Variants in RIPOR2 observed in about 807,000 individuals in gnomAD.
The protein encoded by RIPOR2 is rho family-interacting cell polarization regulator 2.
Under a neutral mutation model 114.5 loss-of-function variants are expected in RIPOR2, and 39 were observed. That is an observed-to-expected ratio of 0.34 (90% CI 0.26 to 0.44). RIPOR2 has a LOEUF of 0.44. Ranked by LOEUF, RIPOR2 falls within the 20% of genes least tolerant of loss-of-function variation. The pLI is 1.00. For missense variants in RIPOR2, 1,007 were observed against 1,255.1 expected, an observed-to-expected ratio of 0.80 and a Z score of 2.99; for synonymous variants, 445 against 484.4, an observed-to-expected ratio of 0.92 and a Z score of 1.07.
In RIPOR2 at chr6:24,975,554, A is replaced by G. The variant is rs182386539; in HGVS notation, c.76+66297T>C. On this transcript the variant is annotated intron_variant, in intron 1 of 13. Transcript: ENST00000510784. ...TATTGTTAGCCAGGCCCAGTGGTGCACACCTGTAGTCCCAGCTACTCGGGA... is the reference window on the plus strand; with the variant it reads ...TATTGTTAGCCAGGCCCAGTGGTGCGCACCTGTAGTCCCAGCTACTCGGGA... 3.0e-4 allele frequency among the ~76,000 whole-genome samples: 45 copies of G among 152,300 alleles called. 1 individual carries two copies. The East Asian group carries it at 8.7e-3, about 29-fold the overall frequency.
Position 24,985,689 on chromosome 6 carries a change from C to A in RIPOR2, c.76+56162G>T, listed in dbSNP as rs148824836. Among the ~76,000 whole-genome samples the A allele has an allele frequency of 2.3e-4, 35 of 152,244 alleles. No individual in the cohort carries two copies. In the East Asian group the frequency reaches 6.8e-3, roughly 29 times the overall value. On this transcript the variant is annotated intron_variant, in intron 1 of 13. Transcript: ENST00000510784. ...TAGGGAATTCTGGGACCCCCCTAGA[C>A]CCCTGGTTGATGTAAATCCTATAAC... is the stretch of plus-strand genomic sequence containing the variant.
At chr6:24,950,893 G>A (rs957422634) in intron 1 of RIPOR2, among the ~76,000 whole-genome samples, 6 of 152,194 alleles carry the variant, frequency 3.9e-5, no homozygotes, top group Admixed American at 1.3e-4. Flanking sequence ...ATAGAACACA[G>A]TCCAGGCATT....
intron 1 of RIPOR2, among the ~76,000 whole-genome samples, chr6:24,946,145 T>G (rs1367890009): frequency 6.6e-6 from 1 of 151,942 alleles, no homozygotes; most frequent in Non-Finnish European, 1.5e-5. Context: ...TGCAGTAGCA[T>G]GATCTCAGCT....
intron 1 of RIPOR2, among the ~76,000 whole-genome samples, chr6:25,035,188 C>T (rs1270516433): frequency 1.3e-5 from 2 of 152,162 alleles, no homozygotes; most frequent in Non-Finnish European, 2.9e-5. Context: ...CGCCTGTTGT[C>T]TGGGATGAGG....
chr6:24,921,602 T>G (rs762654743), intron 1 of RIPOR2, among the ~76,000 whole-genome samples: 30 of 152,106 alleles, frequency 2.0e-4, no homozygotes, highest in Non-Finnish European at 4.0e-4. Context: ...CTGACCACCA[T>G]GTCCTATTCT....
intron 1 of RIPOR2, among the ~76,000 whole-genome samples, chr6:24,958,757 G>A (rs771459687): frequency 5.9e-5 from 9 of 152,014 alleles, no homozygotes; most frequent in Non-Finnish European, 1.2e-4. Context: ...CACAAACTGG[G>A]TGGCTGAAAC....
intron 15 of RIPOR2, among the ~76,000 whole-genome samples, chr6:24,833,589 T>C (rs1337728162): frequency 6.6e-6 from 1 of 152,106 alleles, no homozygotes; most frequent in Non-Finnish European, 1.5e-5. Context: ...TGTGAGTAAA[T>C]ACAATAGCAA....
chr6:24,916,492 T>C (rs1189970044), intron 1 of RIPOR2, among the ~76,000 whole-genome samples: 1 of 152,204 alleles, frequency 6.6e-6, no homozygotes, highest in Non-Finnish European at 1.5e-5. Context: ...AGCCAATAAA[T>C]ATTGACTAAA....
intron 1 of RIPOR2, among the ~76,000 whole-genome samples, chr6:25,011,907 T>C (rs1775788077): frequency 6.6e-6 from 1 of 152,194 alleles, no homozygotes; most frequent in African/African-American, 2.4e-5. Context: ...TCAAAACTTC[T>C]GTATTTCAAA....
At chr6:24,906,289 C>T (rs1768987493) in intron 1 of RIPOR2, among the ~76,000 whole-genome samples, 1 of 152,152 alleles carries the variant, frequency 6.6e-6, no homozygotes, top group South Asian at 2.1e-4. Context: ...TAGGAACAAG[C>T]AAAACAGACC....
chr6:24,837,176 G>T (rs1420516076), intron 14 of RIPOR2, among the ~76,000 whole-genome samples: 1 of 152,136 alleles, frequency 6.6e-6, no homozygotes, highest in Non-Finnish European at 1.5e-5. Context: ...AGGTTGGAGT[G>T]CAGTGGCTCG....
chr6:24,930,251 T>G lies in RIPOR2; in HGVS notation c.61+5587A>C, dbSNP rs564143602. ...CATTTCTTTTTCTTTGTTTAAATTA[T>G]CATACCTACAATGAGTATGCATGTA... is the stretch of plus-strand genomic sequence containing the variant. On this transcript the variant is annotated intron_variant, in intron 1 of 21. Coordinates refer to ENST00000643898, the MANE Select transcript of RIPOR2 (RefSeq NM_001286445.3). Among the ~76,000 whole-genome samples, 28 of 152,356 alleles carry G rather than the reference T, an allele frequency of 1.8e-4. No individual in the cohort carries two copies. In the East Asian group the frequency reaches 5.4e-3, roughly 29 times the overall value.
intron 16 of RIPOR2, 128 bp from the exon 17 acceptor site, chr6:24,830,798 T>G: frequency 1.1e-6 from 1 of 917,974 alleles, no homozygotes; most frequent in Non-Finnish European, 1.6e-6. Context: ...TCACTGGAAC[T>G]TCCGCCTCCT....
chr6:24,977,495 A>G (rs572239573), intron 1 of RIPOR2, among the ~76,000 whole-genome samples: 9 of 152,342 alleles, frequency 5.9e-5, no homozygotes, highest in African/African-American at 2.2e-4. Context: ...TATCAGATAC[A>G]TAACAGGAAA....
At chr6:24,926,053 G>A (rs1362631193) in intron 1 of RIPOR2, among the ~76,000 whole-genome samples, 1 of 152,030 alleles carries the variant, frequency 6.6e-6, no homozygotes, top group African/African-American at 2.4e-5. Context: ...CCACTAGAGG[G>A]AACATTGTAG....
At chr6:24,847,283 T>C (rs540366491) in intron 12 of RIPOR2, among the ~76,000 whole-genome samples, 1 of 152,250 alleles carries the variant, frequency 6.6e-6, no homozygotes, top group African/African-American at 2.4e-5. Context: ...CTTAAACTTG[T>C]TTAAAATCTT....
At chr6:24,850,287 G>A (rs951334355) in intron 10 of RIPOR2, among the ~76,000 whole-genome samples, 12 of 150,866 alleles carry the variant, frequency 8.0e-5, no homozygotes, top group African/African-American at 1.2e-4. Context: ...TAGAGACGGC[G>A]TTTTGCCATG....
Position 24,818,601 on chromosome 6 carries a change from G to A in RIPOR2, c.2893C>T (p.Leu965=). 1.3e-6 allele frequency: 2 copies of A among 1,550,614 alleles called. No individual in the cohort carries two copies. The highest frequency in any genetic ancestry group is 1.7e-6 in the Non-Finnish European group (2 of 1,146,268). ...TGGAGCTGGAGGTTTGTCTTTGTTA[G>A]TGCTTCACAGTAATAGAGCAAGGCC... ...EKALLYYCEA[L]TKTNLQLQKA... Residue 965 remains leucine, a synonymous_variant, in exon 20 of 22, where the codon CTA becomes TTA. Transcript: ENST00000643898.
At chr6:25,023,682 T>G in intron 1 of RIPOR2, 1 of 763,332 alleles carries the variant, frequency 1.3e-6, no homozygotes, top group Non-Finnish European at 2.4e-6. Flanking sequence ...GTGAAGCGGT[T>G]CTCCACGATG....
Sources: allele counts gnomAD v4.1 joint callset (sites outside exome capture counted in the v4.1 genomes callset), GRCh38; gene constraint gnomAD v4.1.1; transcripts MANE v1.5; gene names NCBI Gene and HGNC (gene_info 2026-07-23, HGNC 2026-07-21).